The following ANKS1B variants were observed in gnomAD, a reference collection of about 807,000 sequenced individuals.
ANKS1B encodes ankyrin repeat and sterile alpha motif domain containing 1B.
ANKS1B carries 36 observed loss-of-function variants against 148.3 expected under a neutral mutation model. The ratio of observed to expected loss-of-function variants is 0.24; its 90% confidence interval spans 0.19 to 0.32. The LOEUF (loss-of-function observed/expected upper bound fraction) is 0.32, where lower values mean the gene tolerates loss of function less well. Ranked by LOEUF, ANKS1B falls within the 10% of genes least tolerant of loss-of-function variation. The pLI, the probability that ANKS1B is intolerant of heterozygous loss-of-function variation, is 1.00. For missense variants in ANKS1B, 1,157 were observed against 1,542.6 expected, an observed-to-expected ratio of 0.75 and a Z score of 4.19; for synonymous variants, 542 against 560.8, an observed-to-expected ratio of 0.97 and a Z score of 0.47.
At chr12:99,328,841 T>C (rs971624277) in intron 12 of ANKS1B, among the ~76,000 whole-genome samples, 1 of 151,864 alleles carries the variant, frequency 6.6e-6, no homozygotes, top group African/African-American at 2.4e-5. Context: ...TATTGAAACT[T>C]ACATCAAAAC....
At chr12:99,528,766 TAAAC>T (rs10594570) in intron 9 of ANKS1B, among the ~76,000 whole-genome samples, 18,889 of 152,112 alleles carry the variant, frequency 0.12, 1,370 homozygotes, top group Middle Eastern at 0.2. Context: ...GCTAAAACAA[TAAAC>T]AAAGGGAAGA....
intron 8 of ANKS1B, among the ~76,000 whole-genome samples, chr12:99,767,974 G>A (rs1480437474): frequency 6.6e-6 from 1 of 152,016 alleles, no homozygotes; most frequent in South Asian, 2.1e-4. Flanking sequence ...AAGATGGCTG[G>A]TTTTGTATTT....
intron 10 of ANKS1B, among the ~76,000 whole-genome samples, chr12:99,473,418 G>A (rs558968892): frequency 4.6e-5 from 7 of 151,826 alleles, no homozygotes; most frequent in South Asian, 2.1e-4. Flanking sequence ...GTGAATATCC[G>A]TGAGAGACTT....
chr12:99,405,937 C>CA (rs2094521572), intron 11 of ANKS1B, among the ~76,000 whole-genome samples: 1 of 144,956 alleles, frequency 6.9e-6, no homozygotes, highest in South Asian at 2.1e-4. Flanking sequence ...TAAAAACAGA[C>CA]AAAAAATCAT....
At chr12:99,902,939 T>TTGTTGTTGC (rs2093651790) in intron 1 of ANKS1B, among the ~76,000 whole-genome samples, 1 of 142,474 alleles carries the variant, frequency 7.0e-6, no homozygotes, top group Non-Finnish European at 1.6e-5. Flanking sequence ...GTTGTTGCTG[T>TTGTTGTTGC]TGTTGTTTTT....
At chr12:99,031,201 C>A (rs930962029) in intron 17 of ANKS1B, among the ~76,000 whole-genome samples, 13 of 152,192 alleles carry the variant, frequency 8.5e-5, no homozygotes, top group Non-Finnish European at 5.9e-5. Flanking sequence ...CATCTTACAC[C>A]TTCTAGACAT....
intron 14 of ANKS1B, among the ~76,000 whole-genome samples, chr12:99,175,315 C>G (rs1482826537): frequency 1.3e-5 from 2 of 152,110 alleles, no homozygotes. Flanking sequence ...TGCTTGAGAC[C>G]AGAAGTGTTT....
intron 9 of ANKS1B, among the ~76,000 whole-genome samples, chr12:99,545,030 C>T (rs1261496476): frequency 6.6e-6 from 1 of 152,014 alleles, no homozygotes; most frequent in Non-Finnish European, 1.5e-5. Context: ...GTCGAACTTA[C>T]TGGAAGTGAA....
At chr12:99,345,965 C>T (rs1358505327) in intron 12 of ANKS1B, among the ~76,000 whole-genome samples, 1 of 151,952 alleles carries the variant, frequency 6.6e-6, no homozygotes, top group Admixed American at 6.6e-5. Context: ...TGGCAATGTC[C>T]TAAGAGTTAC....
At chr12:99,880,562 T>C (rs903841200) in intron 1 of ANKS1B, among the ~76,000 whole-genome samples, 2 of 152,228 alleles carry the variant, frequency 1.3e-5, no homozygotes, top group African/African-American at 4.8e-5. Context: ...GACCAAATTA[T>C]TTCTCCATTT....
At chr12:99,452,764 G>A (rs548977022) in intron 10 of ANKS1B, among the ~76,000 whole-genome samples, 30 of 152,278 alleles carry the variant, frequency 2.0e-4, no homozygotes, top group African/African-American at 7.0e-4. Context: ...CTCTAGTGAA[G>A]GTTTGTTAAA....
intron 17 of ANKS1B, among the ~76,000 whole-genome samples, chr12:98,938,245 A>G (rs2099823085): frequency 6.6e-6 from 1 of 152,226 alleles, no homozygotes. Context: ...GCAAATGTTA[A>G]TAGTTATTAT....
chr12:98,963,521 T>C (rs2099875340), intron 17 of ANKS1B, among the ~76,000 whole-genome samples: 1 of 152,106 alleles, frequency 6.6e-6, no homozygotes, highest in Non-Finnish European at 1.5e-5. Context: ...TTTTTGTCAG[T>C]TGACAAGACT....
At chr12:99,850,573 G>A (rs1180536625) in intron 1 of ANKS1B, among the ~76,000 whole-genome samples, 1 of 151,810 alleles carries the variant, frequency 6.6e-6, no homozygotes, top group Non-Finnish European at 1.5e-5. Context: ...ACAAATATAT[G>A]ATAGCTATTT....
chr12:99,982,333 TAA>T (rs35728993), intron 1 of ANKS1B, among the ~76,000 whole-genome samples: 2,975 of 144,488 alleles, frequency 0.021, 100 homozygotes, highest in African/African-American at 0.068. Flanking sequence ...ATCTATTCTT[TAA>T]AAAAAAAAAA....
At chr12:99,907,176 C>T (rs1218526596) in intron 1 of ANKS1B, among the ~76,000 whole-genome samples, 2 of 152,190 alleles carry the variant, frequency 1.3e-5, no homozygotes, top group East Asian at 1.9e-4. Context: ...CCATGCTACA[C>T]TAAATAACCA....
chr12:99,707,374 C>G (rs1353018538), intron 8 of ANKS1B, among the ~76,000 whole-genome samples: 1 of 152,042 alleles, frequency 6.6e-6, no homozygotes, highest in Non-Finnish European at 1.5e-5. Context: ...AAATTACTAT[C>G]TTTAGCAGTG....
intron 8 of ANKS1B, among the ~76,000 whole-genome samples, chr12:99,721,734 A>C (rs1452246654): frequency 6.6e-6 from 1 of 152,250 alleles, no homozygotes; most frequent in Non-Finnish European, 1.5e-5. Flanking sequence ...ACTGATGCGC[A>C]TGAAACTTGG....
At chr12:98,777,745 A>G (rs2098694135) in intron 24 of ANKS1B, among the ~76,000 whole-genome samples, 1 of 152,234 alleles carries the variant, frequency 6.6e-6, no homozygotes. Flanking sequence ...TACATTTATG[A>G]GTTTATAACT....
Sources: allele counts gnomAD v4.1 joint callset (sites outside exome capture counted in the v4.1 genomes callset), GRCh38; gene constraint gnomAD v4.1.1; transcripts MANE v1.5; gene names NCBI Gene and HGNC (gene_info 2026-07-23, HGNC 2026-07-21).